ZNF138: variants seen among roughly 807,000 people sequenced by gnomAD.
ZNF138 encodes the protein zinc finger protein 138 (clone pHZ-32).
Under a neutral mutation model 33.0 loss-of-function variants are expected in ZNF138, and 33 were observed. The observed-to-expected ratio is 1.00, with a 90% CI of 0.76 to 1.34. The LOEUF is 1.34. Ranked by LOEUF, ZNF138 falls within the 40% of genes most tolerant of loss-of-function variation. The pLI, the probability that ZNF138 is intolerant of heterozygous loss-of-function variation, is 0.00. For synonymous variants in ZNF138, 139 were observed against 120.4 expected (o/e 1.15, Z -1.01); for missense variants, 360 against 370.8 (o/e 0.97, Z 0.24).
At chr7:64,814,470 A>G (rs962156761) in intron 1 of ZNF138, among the ~76,000 whole-genome samples, 1 of 152,188 alleles carries the variant, frequency 6.6e-6, no homozygotes, top group Non-Finnish European at 1.5e-5. Flanking sequence ...TATTTCTGTT[A>G]AAAATTATTT....
rs1196427257 is a variant in ZNF138 at position 64,794,542 on chromosome 7, A to G, written c.-27A>G. On this transcript the variant is annotated 5_prime_UTR_variant, in exon 1 of 4. Transcript: ENST00000307355. The stretch of plus-strand genomic sequence containing the variant: ...GGTTATTGGGAGATTCACAGCTAAG[A>G]CGCCAGGATCCCCCGGAAGCCTAGA... 3.7e-6 allele frequency: 6 copies of G among 1,613,108 alleles called. No individual in the cohort carries two copies. In the Admixed American group the frequency reaches 6.7e-5, roughly 18 times the overall value.
rs1443364162 is a variant in ZNF138, at chr7:64,831,567, A to C, written c.325A>C (p.Lys109Gln). 3 of 1,613,610 alleles carry C rather than the reference A, an allele frequency of 1.9e-6. No homozygotes were observed. In the Admixed American group the frequency reaches 5.0e-5, roughly 27 times the overall value. The change falls in exon 4 of 4, where the codon AAA (lysine) becomes CAA (glutamine). Residue 109 changes from lysine (K) to glutamine (Q), a missense_variant. By Grantham distance (53) the Lys-to-Gln change is moderately conservative (BLOSUM62 1). Transcript: ENST00000307355. ...TGGACATAAGAATTTACAGTTAAGAAAAGGCTGTAAAAGTGTGGATGAGTG... is the reference window on the plus strand; with the variant it reads ...TGGACATAAGAATTTACAGTTAAGACAAGGCTGTAAAAGTGTGGATGAGTG... Reference protein sequence around the residue: ...KYGHKNLQLRKGCKSVDECKG... With the variant: ...KYGHKNLQLRQGCKSVDECKG...
the ZNF138 span, among the ~76,000 whole-genome samples, chr7:64,839,035 T>C: frequency 1.3e-5 from 2 of 152,202 alleles, no homozygotes; most frequent in African/African-American, 4.8e-5. Context: ...CAGAGGGACT[T>C]GTGCCAGCGA....
intron 3 of ZNF138, among the ~76,000 whole-genome samples, chr7:64,819,974 T>C (rs1424382398): frequency 7.9e-6 from 1 of 126,096 alleles, no homozygotes; most frequent in Non-Finnish European, 1.7e-5. Flanking sequence ...TTGGGAGATT[T>C]AGAGGGGAGA....
intron 1 of ZNF138, among the ~76,000 whole-genome samples, chr7:64,800,177 CTTTTA>C (rs1362659144): frequency 6.6e-6 from 1 of 152,052 alleles, no homozygotes; most frequent in Non-Finnish European, 1.5e-5. Flanking sequence ...TATTGAATAC[CTTTTA>C]TTTTAGTCTC....
chr7:64,832,540 C>A lies in ZNF138; in HGVS notation c.*338C>A. 3.2e-6 allele frequency: 2 copies of A among 631,196 alleles called. No homozygotes were observed. Among genetic ancestry groups the A allele is most frequent in the Non-Finnish European group, 5.1e-6 (2 of 389,734 alleles). The allele number at this position is 631,196 out of a possible 1,614,324, so 39.1% of individuals were successfully genotyped here. On this transcript the variant is annotated 3_prime_UTR_variant, in exon 4 of 4. Transcript: ENST00000307355. Reference sequence around the variant, plus strand: ...GGAAAAGCCTTTAACTGGTCCTCAACTCTTATTACACATAAGATAATTCAC... The same window carrying A: ...GGAAAAGCCTTTAACTGGTCCTCAAATCTTATTACACATAAGATAATTCAC...
the ZNF138 span, among the ~76,000 whole-genome samples, chr7:64,841,273 TGG>T: frequency 6.6e-6 from 1 of 152,216 alleles, no homozygotes; most frequent in South Asian, 2.1e-4. Context: ...TTCTTTTAAT[TGG>T]AGAATTCTAC....
chr7:64,845,917 C>T, the ZNF138 span, among the ~76,000 whole-genome samples: 1 of 152,132 alleles, frequency 6.6e-6, no homozygotes, highest in African/African-American at 2.4e-5. Context: ...AGTCTTAGAT[C>T]CATCTTGAGT....
downstream of ZNF138, chr7:64,836,806 C>A (rs997945443): frequency 3.3e-5 from 5 of 152,142 alleles, no homozygotes; most frequent in African/African-American, 1.2e-4. Flanking sequence ...GAATTTTAGA[C>A]CTAGGAAAGC....
the ZNF138 span, among the ~76,000 whole-genome samples, chr7:64,844,659 A>T: frequency 7.2e-6 from 1 of 139,510 alleles, no homozygotes; most frequent in African/African-American, 2.7e-5. Flanking sequence ...TACATGAGTA[A>T]GTTTTATGTG....
intron 3 of ZNF138, among the ~76,000 whole-genome samples, chr7:64,821,191 G>A (rs369726549): frequency 0.014 from 2,052 of 150,240 alleles, 117 homozygotes; most frequent in African/African-American, 0.047. Flanking sequence ...CTGGGTTCAC[G>A]CCATTCTCCT....
intron 1 of ZNF138, chr7:64,814,161 A>C: frequency 8.8e-7 from 1 of 1,137,556 alleles, no homozygotes; most frequent in Non-Finnish European, 1.1e-6. Flanking sequence ...AGCTTGTTAG[A>C]AATTTAGAAT....
At chr7:64,800,062 A>AAAGAACGTTTCTGTGGAGACAGAAAAGAG (rs1226573921) in intron 1 of ZNF138, among the ~76,000 whole-genome samples, 32 of 152,196 alleles carry the variant, frequency 2.1e-4, no homozygotes, top group Admixed American at 5.2e-4. Context: ...TCTTCAGTTT[A>AAAGAACGTTTCTGTGGAGACAGAAAAGAG]AAGAACGTTT....
the ZNF138 span, among the ~76,000 whole-genome samples, chr7:64,844,600 TTA>T: frequency 0.34 from 8,255 of 23,962 alleles, 714 homozygotes; most frequent in African/African-American, 0.37. Context: ...TTTTAATTTT[TTA>T]TTTTTTTTTA....
the ZNF138 span, among the ~76,000 whole-genome samples, chr7:64,851,777 G>A: frequency 0.45 from 67,643 of 151,864 alleles, 15,350 homozygotes; most frequent in Admixed American, 0.5. Context: ...AAAGAAATAA[G>A]ATTTCTTTTT....
intron 1 of ZNF138, among the ~76,000 whole-genome samples, chr7:64,804,219 CT>C (rs1234843727): frequency 2.6e-5 from 4 of 152,190 alleles, no homozygotes; most frequent in African/African-American, 7.2e-5. Flanking sequence ...AGATTGACCC[CT>C]GACCTAATTG....
downstream of ZNF138, among the ~76,000 whole-genome samples, chr7:64,833,945 C>G (rs541205772): frequency 6.6e-6 from 1 of 152,122 alleles, no homozygotes; most frequent in Admixed American, 6.6e-5. Flanking sequence ...AGGCTCATCT[C>G]GAACTCCTGA....
chr7:64,832,269 G>A lies in ZNF138; in HGVS notation c.*67G>A. ...CTACAAATGTGAAGAATGTGGCAAA[G>A]CCTTTAACCAGTTTTCAACCCTTAT... On this transcript the variant is annotated 3_prime_UTR_variant, in exon 4 of 4. Transcript: ENST00000307355. The A allele has an allele frequency of 6.3e-7, 1 of 1,599,280 alleles. No homozygotes were observed. Among genetic ancestry groups the A allele is most frequent in the Non-Finnish European group, 8.5e-7 (1 of 1,175,282 alleles).
intron 1 of ZNF138, among the ~76,000 whole-genome samples, chr7:64,807,058 A>G (rs894862832): frequency 1.3e-5 from 2 of 152,386 alleles, no homozygotes; most frequent in East Asian, 1.9e-4. Context: ...ACCACAAACA[A>G]TAGCATGAGC....
Sources: allele counts gnomAD v4.1 joint callset (sites outside exome capture counted in the v4.1 genomes callset), GRCh38; gene constraint gnomAD v4.1.1; transcripts MANE v1.5; gene names NCBI Gene and HGNC (gene_info 2026-07-23, HGNC 2026-07-21).